The following FBXL7 variants were observed in gnomAD, a reference collection of about 807,000 sequenced individuals.
The protein encoded by FBXL7 is F-box and leucine rich repeat protein 7.
FBXL7 carries 12 observed loss-of-function variants against 38.3 expected under a neutral mutation model. The ratio of observed to expected loss-of-function variants is 0.31; its 90% CI spans 0.20 to 0.51. FBXL7 has a LOEUF of 0.51. Among genes scored for constraint, FBXL7 ranks in the 20% least tolerant of loss-of-function variants. The pLI, the probability that FBXL7 is intolerant of heterozygous loss-of-function variation, is 0.98. For missense variants in FBXL7, 567 were observed against 676.4 expected (o/e 0.84, Z 1.79); for synonymous variants, 297 against 300.9 (o/e 0.99, Z 0.13).
intron 2 of FBXL7, among the ~76,000 whole-genome samples, chr5:15,875,770 G>A (rs1357472905): frequency 2.0e-5 from 3 of 152,196 alleles, no homozygotes; most frequent in African/African-American, 4.8e-5. Context: ...TGGAGAGGAT[G>A]TGGAGAAATA....
chr5:15,769,880 G>A (rs545371767), intron 2 of FBXL7, among the ~76,000 whole-genome samples: 1 of 152,254 alleles, frequency 6.6e-6, no homozygotes, highest in African/African-American at 2.4e-5. Context: ...TAAGCAGGCC[G>A]AAGGGTATGT....
intron 1 of FBXL7, among the ~76,000 whole-genome samples, chr5:15,548,753 A>G (rs1737984187): frequency 6.6e-6 from 1 of 152,144 alleles, no homozygotes; most frequent in Non-Finnish European, 1.5e-5. Flanking sequence ...GAAGTATACA[A>G]TTTTCATGTA....
rs1579463388 is a variant in FBXL7, at chr5:15,788,928, G to A, written c.128-138962G>A. Among the ~76,000 whole-genome samples, 5 of 149,776 alleles carry A rather than the reference G, an allele frequency of 3.3e-5. 1 individual carries two copies. The highest frequency in any genetic ancestry group is 3.3e-4 in the Admixed American group (5 of 15,010). On this transcript the variant is annotated intron_variant, in intron 2 of 3. Coordinates refer to ENST00000504595, the MANE Select transcript of FBXL7 (RefSeq NM_012304.5). ...TACAGTGGTGTGATCTCGGCTCACT[G>A]CAAGCTCCGCCTCCCGGGTTCATGC... is the stretch of plus-strand genomic sequence containing the variant.
At chr5:15,528,680 C>T (rs959378013) in intron 1 of FBXL7, among the ~76,000 whole-genome samples, 18 of 152,210 alleles carry the variant, frequency 1.2e-4, no homozygotes, top group African/African-American at 4.3e-4. Flanking sequence ...GTCCCTCCCA[C>T]ATCACACGGT....
intron 3 of FBXL7, among the ~76,000 whole-genome samples, chr5:15,932,541 T>A (rs1294344526): frequency 6.6e-6 from 1 of 152,198 alleles, no homozygotes; most frequent in Non-Finnish European, 1.5e-5. Context: ...TACCTTACCC[T>A]AGATGTCAAA....
intron 2 of FBXL7, among the ~76,000 whole-genome samples, chr5:15,627,565 A>G (rs1055775831): frequency 1.3e-5 from 2 of 152,174 alleles, no homozygotes; most frequent in East Asian, 1.9e-4. Context: ...GCGTGGCCAC[A>G]GTGTTCTTTG....
At chr5:15,640,884 G>A (rs983311551) in intron 2 of FBXL7, among the ~76,000 whole-genome samples, 1 of 152,126 alleles carries the variant, frequency 6.6e-6, no homozygotes, top group Non-Finnish European at 1.5e-5. Flanking sequence ...AAGAGCCTTG[G>A]GAGTTGGTCT....
chr5:15,597,565 A>G (rs1248055113), intron 1 of FBXL7, among the ~76,000 whole-genome samples: 1 of 151,956 alleles, frequency 6.6e-6, no homozygotes, highest in Non-Finnish European at 1.5e-5. Context: ...TTGAAGGCCT[A>G]CAAATTACGT....
At chr5:15,575,574 T>C (rs985701916) in intron 1 of FBXL7, among the ~76,000 whole-genome samples, 2 of 152,236 alleles carry the variant, frequency 1.3e-5, no homozygotes, top group Non-Finnish European at 2.9e-5. Flanking sequence ...TGGCTTCATA[T>C]TATAAGTCTG....
intron 2 of FBXL7, among the ~76,000 whole-genome samples, chr5:15,627,366 TGA>T (rs1740852245): frequency 1.3e-5 from 2 of 152,116 alleles, no homozygotes. Context: ...TTTTGCTGTG[TGA>T]GTAGTCAGTG....
intron 1 of FBXL7, among the ~76,000 whole-genome samples, chr5:15,511,409 A>G (rs1736793069): frequency 6.6e-6 from 1 of 152,198 alleles, no homozygotes; most frequent in Non-Finnish European, 1.5e-5. Flanking sequence ...TACCTGGGGT[A>G]GCCTTTGTGC....
chr5:15,850,443 G>T (rs1739059154), intron 2 of FBXL7, among the ~76,000 whole-genome samples: 1 of 152,190 alleles, frequency 6.6e-6, no homozygotes, highest in Non-Finnish European at 1.5e-5. Flanking sequence ...AGGGGGTATT[G>T]CCAGGTAAAT....
At chr5:15,892,317 T>C (rs969542975) in intron 2 of FBXL7, among the ~76,000 whole-genome samples, 1 of 152,198 alleles carries the variant, frequency 6.6e-6, no homozygotes, top group Non-Finnish European at 1.5e-5. Context: ...GGGCAGATGA[T>C]GTGGAACCAT....
At chr5:15,931,517 C>T (rs984694528) in intron 3 of FBXL7, among the ~76,000 whole-genome samples, 17 of 152,234 alleles carry the variant, frequency 1.1e-4, no homozygotes, top group African/African-American at 3.9e-4. Flanking sequence ...TTCTTATACC[C>T]ATCTCCATGG....
chr5:15,866,922 T>G (rs930626583), intron 2 of FBXL7, among the ~76,000 whole-genome samples: 2 of 152,204 alleles, frequency 1.3e-5, no homozygotes, highest in Admixed American at 6.5e-5. Flanking sequence ...TGCCCATCAC[T>G]TATATGGAAT....
At chr5:15,927,193 C>T (rs908355824) in intron 2 of FBXL7, among the ~76,000 whole-genome samples, 1 of 152,068 alleles carries the variant, frequency 6.6e-6, no homozygotes, top group Non-Finnish European at 1.5e-5. Context: ...AACAGCCACG[C>T]TCCTTTGTTT....
intron 2 of FBXL7, among the ~76,000 whole-genome samples, chr5:15,662,887 G>A (rs2126586599): frequency 6.6e-6 from 1 of 152,274 alleles, no homozygotes; most frequent in Non-Finnish European, 1.5e-5. Flanking sequence ...GTACCATGCT[G>A]TTTTGGTTAC....
At chr5:15,914,866 T>G (rs1395861011) in intron 2 of FBXL7, among the ~76,000 whole-genome samples, 1 of 152,174 alleles carries the variant, frequency 6.6e-6, no homozygotes, top group Non-Finnish European at 1.5e-5. Flanking sequence ...TCTCCTGGCC[T>G]CGAAGTGCTC....
chr5:15,870,503 G>T (rs551286596), intron 2 of FBXL7, among the ~76,000 whole-genome samples: 2 of 152,228 alleles, frequency 1.3e-5, no homozygotes, highest in South Asian at 4.1e-4. Flanking sequence ...GGAAGGAAAA[G>T]ATTAAGGGTT....
Sources: gnomAD v4.1 joint callset for allele counts (sites outside exome capture counted in the v4.1 genomes callset) on GRCh38, gnomAD v4.1.1 for gene constraint, MANE v1.5 for transcripts, NCBI Gene and HGNC (gene_info 2026-07-23, HGNC 2026-07-21) for gene names.